MGAT4C: variants seen among roughly 807,000 people sequenced by gnomAD.
The protein encoded by MGAT4C is alpha-1,3-mannosyl-glycoprotein 4-beta-N-acetylglucosaminyltransferase C.
MGAT4C carries 19 observed loss-of-function variants against 40.1 expected under a neutral mutation model. The ratio of observed to expected loss-of-function variants is 0.47; its 90% CI spans 0.33 to 0.70. The LOEUF is 0.70. Ranked by LOEUF, MGAT4C falls within the 30% of genes least tolerant of loss-of-function variation. The probability of loss-of-function intolerance (pLI) is 0.02; values close to 1 mark genes in which losing one functional copy is unlikely to be tolerated. For synonymous variants in MGAT4C, 181 were observed against 187.1 expected (o/e 0.97, Z 0.27); for missense variants, 491 against 563.2 (o/e 0.87, Z 1.30).
chr12:86,389,319 T>A (rs1276834567), intron 3 of MGAT4C, among the ~76,000 whole-genome samples: 1 of 152,152 alleles, frequency 6.6e-6, no homozygotes, highest in African/African-American at 2.4e-5. Flanking sequence ...TCCTGTGCTG[T>A]TTGCAAAGGA....
chr12:86,651,385 T>C (rs565386074), intron 2 of MGAT4C, among the ~76,000 whole-genome samples: 1 of 152,018 alleles, frequency 6.6e-6, no homozygotes, highest in Admixed American at 6.6e-5. Flanking sequence ...ATATAAATTT[T>C]AAAATCCAAC....
chr12:86,194,821 CT>C (rs1180317821), intron 1 of MGAT4C, among the ~76,000 whole-genome samples: 1 of 152,130 alleles, frequency 6.6e-6, no homozygotes, highest in East Asian at 1.9e-4. Flanking sequence ...GGATTTCTGC[CT>C]TTGCAAATGG....
intron 2 of MGAT4C, among the ~76,000 whole-genome samples, chr12:86,046,408 A>G (rs927911646): frequency 6.6e-6 from 1 of 152,172 alleles, no homozygotes; most frequent in Non-Finnish European, 1.5e-5. Flanking sequence ...GAACAGACCA[A>G]GGCATTTTTG....
chr12:86,032,326 GAGAAATCGCA>G (rs1565885437), intron 2 of MGAT4C, among the ~76,000 whole-genome samples: 1 of 150,502 alleles, frequency 6.6e-6, no homozygotes, highest in Non-Finnish European at 1.5e-5. Flanking sequence ...TGAGATATTT[GAGAAATCGCA>G]ACACTGCTTT....
chr12:86,602,964 A>G (rs904268097), intron 2 of MGAT4C, among the ~76,000 whole-genome samples: 3 of 151,716 alleles, frequency 2.0e-5, no homozygotes, highest in Non-Finnish European at 4.4e-5. Context: ...ATTTGAGACA[A>G]CACTGATGAA....
chr12:86,162,788 G>A (rs1885745439), intron 1 of MGAT4C, among the ~76,000 whole-genome samples: 1 of 152,122 alleles, frequency 6.6e-6, no homozygotes, highest in African/African-American at 2.4e-5. Context: ...AATTTGCATA[G>A]AAGCTAAATA....
intron 1 of MGAT4C, among the ~76,000 whole-genome samples, chr12:86,738,654 C>A (rs1951020451): frequency 6.6e-6 from 1 of 151,252 alleles, no homozygotes; most frequent in Non-Finnish European, 1.5e-5. Context: ...TTTATTACTG[C>A]TTTTGGAAGT....
At chr12:86,132,341 T>C (rs1232850296) in intron 1 of MGAT4C, among the ~76,000 whole-genome samples, 2 of 151,700 alleles carry the variant, frequency 1.3e-5, no homozygotes, top group African/African-American at 4.9e-5. Flanking sequence ...GATTCTAAAA[T>C]TCAACAGTGT....
At chr12:86,500,210 T>C (rs1012587311) in intron 2 of MGAT4C, among the ~76,000 whole-genome samples, 4 of 151,812 alleles carry the variant, frequency 2.6e-5, no homozygotes, top group Non-Finnish European at 1.5e-5. Flanking sequence ...TGTGTATTTA[T>C]ACACACACAC....
chr12:86,667,166 ATATT>A lies in MGAT4C; in HGVS notation c.-229+60039_-229+60042del, dbSNP rs1964131396. Among the ~76,000 whole-genome samples, 5 of 152,192 alleles carry A rather than the reference ATATT, an allele frequency of 3.3e-5. 2 individuals carry two copies. In the South Asian group the frequency reaches 1.0e-3, roughly 32 times the overall value. On this transcript the variant is annotated intron_variant, in intron 2 of 7. Coordinates refer to the MGAT4C transcript ENST00000548651. ...ATTTTGTTGCAAAATATAAGGTAAA[ATATT>A]AAGAGGAGGAGGAAGTGTGAAGACT...
intron 2 of MGAT4C, among the ~76,000 whole-genome samples, chr12:86,647,787 A>G (rs1041830602): frequency 5.3e-5 from 8 of 151,928 alleles, no homozygotes; most frequent in Admixed American, 5.3e-4. Flanking sequence ...TGACTCCCTA[A>G]TGAACGTTTA....
chr12:86,306,963 C>G (rs889315692), intron 4 of MGAT4C, among the ~76,000 whole-genome samples: 1 of 150,184 alleles, frequency 6.7e-6, no homozygotes, highest in African/African-American at 2.5e-5. Context: ...ATTTTCATAA[C>G]AAAATGTTGA....
chr12:85,997,453 CA>C (rs1006407115), intron 2 of MGAT4C, among the ~76,000 whole-genome samples: 7 of 152,100 alleles, frequency 4.6e-5, no homozygotes, highest in Non-Finnish European at 1.0e-4. Flanking sequence ...AGCATTAACT[CA>C]AAAGTCCACA....
At chr12:85,996,330 G>A (rs570098743) in intron 2 of MGAT4C, among the ~76,000 whole-genome samples, 1 of 152,268 alleles carries the variant, frequency 6.6e-6, no homozygotes, top group Non-Finnish European at 1.5e-5. Context: ...AATTTTATGT[G>A]CGAAATGCAA....
rs183548762 is a variant in MGAT4C, at chr12:86,591,639, T to G, written c.-229+135570A>C. 1.9e-3 allele frequency among the ~76,000 whole-genome samples: 282 copies of G among 151,934 alleles called. 1 individual carries two copies. Among genetic ancestry groups the G allele is most frequent in the Admixed American group, 2.7e-3 (41 of 15,250 alleles). On this transcript the variant is annotated intron_variant, in intron 2 of 7. Coordinates refer to the MGAT4C transcript ENST00000548651. ...AGTATGTTTTTATGAAGATGATATA[T>G]TTAAACTAATACACATAAACTTGTA...
intron 2 of MGAT4C, among the ~76,000 whole-genome samples, chr12:86,562,471 T>A (rs1959914779): frequency 6.6e-6 from 1 of 152,004 alleles, no homozygotes; most frequent in African/African-American, 2.4e-5. Context: ...GCCTCCTCAC[T>A]CCTAGTAGTG....
At chr12:86,823,120 CAACT>C (rs1239358394) in intron 1 of MGAT4C, among the ~76,000 whole-genome samples, 9 of 148,696 alleles carry the variant, frequency 6.1e-5, no homozygotes, top group Admixed American at 5.4e-4. Flanking sequence ...TGAGATGCAC[CAACT>C]AAGTATTACA....
chr12:86,719,428 A>G (rs1950702765), intron 2 of MGAT4C, among the ~76,000 whole-genome samples: 1 of 152,180 alleles, frequency 6.6e-6, no homozygotes, highest in African/African-American at 2.4e-5. Context: ...ACATACAATG[A>G]TGGCTCACAT....
At chr12:86,740,607 A>G (rs906990680) in intron 1 of MGAT4C, among the ~76,000 whole-genome samples, 1 of 151,264 alleles carries the variant, frequency 6.6e-6, no homozygotes, top group African/African-American at 2.4e-5. Context: ...TTGTTTGTAC[A>G]GTAGAATGTC....
Sources: allele counts gnomAD v4.1 joint callset (sites outside exome capture counted in the v4.1 genomes callset), GRCh38; gene constraint gnomAD v4.1.1; transcripts MANE v1.5; gene names NCBI Gene and HGNC (gene_info 2026-07-23, HGNC 2026-07-21).